The following MTMR12 variants were observed in gnomAD, a reference collection of about 807,000 sequenced individuals.
The protein encoded by MTMR12 is myotubularin-related protein 12.
In MTMR12, 33 loss-of-function variants were observed where a neutral mutation model predicts 96.7. The ratio of observed to expected loss-of-function variants is 0.34; its 90% CI spans 0.26 to 0.46. The LOEUF (loss-of-function observed/expected upper bound fraction) is 0.46, where lower values mean the gene tolerates loss of function less well. MTMR12 is among the 20% of genes least tolerant of loss of function. The pLI is 1.00. For missense variants in MTMR12, 721 were observed against 896.1 expected (o/e 0.80, Z 2.49); for synonymous variants, 298 against 327.2 (o/e 0.91, Z 0.96).
intron 14 of MTMR12, chr5:32,234,701 A>C (rs1228918599): frequency 3.8e-6 from 1 of 260,658 alleles, no homozygotes; most frequent in Admixed American, 5.0e-5. Context: ...GTAAGGAGTA[A>C]GTATTAATAC....
Position 32,244,641 on chromosome 5 carries a change from T to C in MTMR12, c.1022-1042A>G, listed in dbSNP as rs1480403367. Among the ~76,000 whole-genome samples the C allele has an allele frequency of 4.6e-5, 7 of 152,258 alleles. No homozygotes were observed. The East Asian group carries it at 1.2e-3, about 25-fold the overall frequency. On this transcript the variant is annotated intron_variant, in intron 10 of 15. Transcript: ENST00000382142. ...CAAACTCAAATCAATAAAAGACAGA[T>C]ATCCCTGAAAGTCCTGAGTGACTGA... is the stretch of plus-strand genomic sequence containing the variant.
chr5:32,310,933 G>A (rs1457117436), intron 1 of MTMR12, among the ~76,000 whole-genome samples: 1 of 151,612 alleles, frequency 6.6e-6, no homozygotes, highest in Non-Finnish European at 1.5e-5. Context: ...TAGTGCAGTG[G>A]CGCGATCTCG....
At chr5:32,311,579 G>A (rs1357452544) in intron 1 of MTMR12, among the ~76,000 whole-genome samples, 2 of 152,222 alleles carry the variant, frequency 1.3e-5, no homozygotes, top group South Asian at 2.1e-4. Context: ...TTCTGCTGGA[G>A]AGAAGGGCAG....
intron 1 of MTMR12, among the ~76,000 whole-genome samples, chr5:32,292,771 C>A (rs1000010433): frequency 6.6e-6 from 1 of 152,008 alleles, no homozygotes. Context: ...AAAAAAACCA[C>A]GACCTGCTGA....
intron 7 of MTMR12, among the ~76,000 whole-genome samples, chr5:32,256,950 A>T (rs559219148): frequency 5.5e-4 from 84 of 152,322 alleles, no homozygotes; most frequent in Admixed American, 2.2e-3. Context: ...GATTACTTTT[A>T]AAAAAAGATT....
Position 32,233,496 on chromosome 5 carries a change from A to ACACACG in MTMR12, c.1674+276_1674+277insCGTGTG, listed in dbSNP as rs1561736144. Among the ~76,000 whole-genome samples, 2 of 151,802 alleles carry ACACACG rather than the reference A, an allele frequency of 1.3e-5. No individual in the cohort carries two copies. Among genetic ancestry groups the ACACACG allele is most frequent in the African/African-American group, 4.8e-5 (2 of 41,274 alleles). ...CAAACACACACACACACACACACACACAGGCAGGACAAGAGGCACGATTCC... is the reference window on the plus strand; with the variant it reads ...CAAACACACACACACACACACACACACACACGCAGGCAGGACAAGAGGCACGATTCC... On this transcript the variant is annotated intron_variant, in intron 15 of 15. Coordinates refer to ENST00000382142, the MANE Select transcript of MTMR12 (RefSeq NM_001040446.3). This position sits in a 1 kb window ranked among gnomAD's most constrained non-coding sequence, Gnocchi z 5.0.
chr5:32,251,772 A>G (rs1218913035), intron 8 of MTMR12, among the ~76,000 whole-genome samples: 1 of 152,206 alleles, frequency 6.6e-6, no homozygotes, highest in Non-Finnish European at 1.5e-5. Flanking sequence ...ACTCCAAACA[A>G]GGCAATCAAG....
At chr5:32,268,500 T>C (rs1749694523) in intron 6 of MTMR12, among the ~76,000 whole-genome samples, 1 of 134,222 alleles carries the variant, frequency 7.5e-6, no homozygotes, top group Admixed American at 7.7e-5. Context: ...AAAGCGAGAC[T>C]CCATCTTTAA....
At chr5:32,241,256 C>G (rs1748460620) in intron 12 of MTMR12, among the ~76,000 whole-genome samples, 1 of 152,160 alleles carries the variant, frequency 6.6e-6, no homozygotes, top group Admixed American at 6.5e-5. Flanking sequence ...TTGCAAACTT[C>G]TTGAAGGCGG....
At chr5:32,243,460 G>T (rs759660311) in intron 11 of MTMR12, 61 bp downstream of exon 11, 24 of 1,174,940 alleles carry the variant, frequency 2.0e-5, no homozygotes, top group Non-Finnish European at 2.7e-5. Flanking sequence ...TTGTCGGTTT[G>T]ATCTACTACC....
chr5:32,281,567 C>T (rs552011332), intron 1 of MTMR12, among the ~76,000 whole-genome samples: 173 of 152,174 alleles, frequency 1.1e-3, no homozygotes, highest in Non-Finnish European at 1.8e-3. Context: ...CACTTTGAAC[C>T]CTCTGCAAGA....
At chr5:32,243,446 T>C in intron 11 of MTMR12, 75 bp downstream of exon 11, 1 of 1,026,588 alleles carries the variant, frequency 9.7e-7, no homozygotes, top group Non-Finnish European at 1.5e-6. Flanking sequence ...AACAGTTAAA[T>C]TATTTGTCGG....
In MTMR12 at chr5:32,233,661, G is replaced by A. The variant is rs1264386413; in HGVS notation, c.1674+112C>T. On this transcript the variant is annotated intron_variant, in intron 15 of 15. Coordinates refer to ENST00000382142, the MANE Select transcript of MTMR12 (RefSeq NM_001040446.3). This position sits in a 1 kb window ranked among gnomAD's most constrained non-coding sequence, Gnocchi z 5.0. ...GACCATCACAAGTCTCAACTCTGCA[G>A]ACTGCTTCGAGGGGTAGAAAATGCT... The A allele has an allele frequency of 1.4e-6, 2 of 1,440,758 alleles. No homozygotes were observed. Among genetic ancestry groups the A allele is most frequent in the African/African-American group, 2.8e-5 (2 of 71,338 alleles). 89.2% of individuals were successfully genotyped at this position (1,440,758 alleles called of 1,614,324 possible).
chr5:32,259,590 A>G (rs1407538292), intron 7 of MTMR12, among the ~76,000 whole-genome samples: 1 of 152,252 alleles, frequency 6.6e-6, no homozygotes, highest in African/African-American at 2.4e-5. Context: ...TTAACTTCAC[A>G]GAGCTGTAGG....
At chr5:32,299,789 A>G (rs1324940671) in intron 1 of MTMR12, among the ~76,000 whole-genome samples, 2 of 152,154 alleles carry the variant, frequency 1.3e-5, no homozygotes, top group African/African-American at 2.4e-5. Flanking sequence ...ACCATCACAC[A>G]TGTGTGCACA....
chr5:32,228,601 T>TATC lies in MTMR12; in HGVS notation c.*1176_*1177insGAT, dbSNP rs1747857032. The TATC allele has an allele frequency of 1.6e-5, 2 of 124,248 alleles. No homozygotes were observed. The highest frequency in any genetic ancestry group is 1.7e-4 in the Admixed American group (2 of 11,836). The allele number at this position is 124,248 out of a possible 1,614,324, so 7.7% of individuals were successfully genotyped here. On this transcript the variant is annotated 3_prime_UTR_variant, in exon 16 of 16. Coordinates refer to ENST00000382142, the MANE Select transcript of MTMR12 (RefSeq NM_001040446.3). ...ATATCATATATATGTGATATATATA[T>TATC]ATATATCATATATATGATATATATA... is the stretch of plus-strand genomic sequence containing the variant.
intron 1 of MTMR12, among the ~76,000 whole-genome samples, chr5:32,287,418 G>C (rs976927778): frequency 3.3e-5 from 5 of 152,198 alleles, no homozygotes; most frequent in African/African-American, 1.2e-4. Context: ...TCAAACATCA[G>C]ACTCCAAGTT....
At position 32,231,605 on chromosome 5, in the gene MTMR12, ATTC is replaced by A. The variant is rs1263989934; in HGVS notation, c.1675-1261_1675-1259del. 2.6e-5 allele frequency among the ~76,000 whole-genome samples: 4 copies of A among 152,212 alleles called. No homozygotes were observed. In the East Asian group the frequency reaches 7.7e-4, roughly 29 times the overall value. The stretch of plus-strand genomic sequence containing the variant: ...CAATGGTTCTTCCTTGTAAAAAGAT[ATTC>A]TTTATTGTAAAGAAAATTATTTCCT... On this transcript the variant is annotated intron_variant, in intron 15 of 15. Coordinates refer to ENST00000382142, the MANE Select transcript of MTMR12 (RefSeq NM_001040446.3).
At chr5:32,273,326 C>T (rs1184618052) in intron 3 of MTMR12, among the ~76,000 whole-genome samples, 2 of 152,084 alleles carry the variant, frequency 1.3e-5, no homozygotes, top group Non-Finnish European at 2.9e-5. Flanking sequence ...ACTGGAGCCA[C>T]GACTACGCCA....
Sources: gnomAD v4.1 joint callset for allele counts (sites outside exome capture counted in the v4.1 genomes callset) on GRCh38, gnomAD v4.1.1 for gene constraint, Gnocchi (gnomAD v3.1) non-coding constraint, MANE v1.5 for transcripts, NCBI Gene and HGNC (gene_info 2026-07-23, HGNC 2026-07-21) for gene names.